DOCK2: variants seen among roughly 807,000 people sequenced by gnomAD.
The protein encoded by DOCK2 is dedicator of cytokinesis 2, also known as dedicator of cytokinesis protein 2.
A neutral mutation model predicts 248.9 loss-of-function variants in DOCK2; 87 were observed. The ratio of observed to expected loss-of-function variants is 0.35; its 90% confidence interval spans 0.29 to 0.42. The LOEUF is 0.42. Ranked by LOEUF, DOCK2 falls within the 10% of genes least tolerant of loss-of-function variation. The probability of loss-of-function intolerance (pLI) is 1.00; values close to 1 mark genes in which losing one functional copy is unlikely to be tolerated. For missense variants in DOCK2, 1,747 were observed against 2,300.2 expected (o/e 0.76, Z 4.92); for synonymous variants, 805 against 821.6 (o/e 0.98, Z 0.35).
intron 27 of DOCK2, chr5:169,841,490 A>T: frequency 2.0e-6 from 2 of 978,708 alleles, no homozygotes; most frequent in Non-Finnish European, 2.4e-6. Flanking sequence ...TCACCAACAT[A>T]AATGAGTATG....
intron 27 of DOCK2, among the ~76,000 whole-genome samples, chr5:169,945,720 C>A (rs1181645359): frequency 6.6e-6 from 1 of 152,182 alleles, no homozygotes; most frequent in Non-Finnish European, 1.5e-5. Flanking sequence ...AAAAATCATT[C>A]TTTCAGCCTG....
chr5:169,750,527 A>T (rs1763842903), intron 23 of DOCK2, among the ~76,000 whole-genome samples: 1 of 151,392 alleles, frequency 6.6e-6, no homozygotes, highest in Non-Finnish European at 1.5e-5. Flanking sequence ...TGCTATGCAA[A>T]TGCAGTGAAC....
chr5:169,886,975 C>T (rs892104998), intron 27 of DOCK2, among the ~76,000 whole-genome samples: 9 of 152,106 alleles, frequency 5.9e-5, no homozygotes, highest in Non-Finnish European at 1.2e-4. Context: ...GAGGCAGGTG[C>T]GATCAGTTCC....
chr5:169,741,795 C>T (rs1278189450), intron 22 of DOCK2, among the ~76,000 whole-genome samples: 8 of 141,344 alleles, frequency 5.7e-5, no homozygotes, highest in East Asian at 2.2e-4. Flanking sequence ...CTCCCAGGAT[C>T]TTTTACTATT....
At chr5:169,801,176 TTTTTTA>T (rs1273799497) in intron 25 of DOCK2, among the ~76,000 whole-genome samples, 53 of 117,138 alleles carry the variant, frequency 4.5e-4, no homozygotes, top group Admixed American at 6.2e-4. Context: ...TTTTTTTTTT[TTTTTTA>T]GTAGACTTGG....
chr5:169,934,545 C>A, intron 27 of DOCK2: 2 of 433,664 alleles, frequency 4.6e-6, no homozygotes, highest in Non-Finnish European at 9.3e-6. Context: ...TAATTGTATG[C>A]GCTACATTCA....
At chr5:169,924,783 A>G (rs146578770) in intron 27 of DOCK2, among the ~76,000 whole-genome samples, 2,333 of 152,190 alleles carry the variant, frequency 0.015, 56 homozygotes, top group African/African-American at 0.053. Context: ...TTTTTCATCA[A>G]TCTGAAGTAT....
intron 2 of DOCK2, among the ~76,000 whole-genome samples, chr5:169,657,770 T>C (rs924661456): frequency 2.6e-5 from 4 of 152,234 alleles, no homozygotes; most frequent in African/African-American, 7.2e-5. Context: ...ATGTTTTCTT[T>C]CCTATTCTTT....
At chr5:169,907,609 A>G (rs1774356024) in intron 27 of DOCK2, among the ~76,000 whole-genome samples, 1 of 152,194 alleles carries the variant, frequency 6.6e-6, no homozygotes, top group Non-Finnish European at 1.5e-5. Flanking sequence ...TATGTTGGAA[A>G]GTTCAATTAC....
intron 26 of DOCK2, among the ~76,000 whole-genome samples, chr5:169,818,937 A>G (rs1644576917): frequency 6.6e-6 from 1 of 152,170 alleles, no homozygotes; most frequent in South Asian, 2.1e-4. Flanking sequence ...ATTCATGCAT[A>G]CTTTATATTT....
chr5:169,869,214 C>T (rs946239082), intron 27 of DOCK2, among the ~76,000 whole-genome samples: 10 of 152,312 alleles, frequency 6.6e-5, no homozygotes, highest in African/African-American at 2.4e-4. Flanking sequence ...CCCCTCCCCA[C>T]CATCTACATT....
rs60140740 is a variant in DOCK2, at chr5:169,800,944, CTTTTTTTTTTTTTT to C, written c.2555-2098_2555-2085del. ...TTTTTCTTTTTTCTTTTCTTTCTTT[CTTTTTTTTTTTTTT>C]TTTTTTTTTTTTTTTGAGATGGAGT... On this transcript the variant is annotated intron_variant, in intron 25 of 51. Coordinates refer to ENST00000520908, the MANE Select transcript of DOCK2 (RefSeq NM_004946.3). Among the ~76,000 whole-genome samples the C allele has an allele frequency of 4.5e-4, 24 of 53,180 alleles. 1 individual carries two copies. Among genetic ancestry groups the C allele is most frequent in the South Asian group, 2.2e-3 (3 of 1,368 alleles). 34.9% of individuals were successfully genotyped at this position (53,180 alleles called of 152,430 possible). A position where few individuals can be genotyped will look rare whatever the true frequency, so the allele number is the denominator to read the frequency against.
rs150316982 is a variant in DOCK2, at chr5:169,977,141, C to T, written c.2800-5927C>T. ...CAATTTGGACACTGTTGTCACTTTT[C>T]CTACCTGCCAGCAACTGTTCCTGAA... On this transcript the variant is annotated intron_variant, in intron 27 of 51. Coordinates refer to ENST00000520908, the MANE Select transcript of DOCK2 (RefSeq NM_004946.3). 5.1e-4 allele frequency among the ~76,000 whole-genome samples: 78 copies of T among 152,332 alleles called. 2 individuals carry two copies. The East Asian group carries it at 0.014, about 28-fold the overall frequency.
intron 25 of DOCK2, among the ~76,000 whole-genome samples, chr5:169,801,281 C>T (rs1343846860): frequency 2.7e-5 from 4 of 149,468 alleles, no homozygotes; most frequent in Admixed American, 6.8e-5. Context: ...AGATTACAGG[C>T]GTAGGCCACC....
At position 169,718,697 on chromosome 5, in the gene DOCK2, A is replaced by T. The variant is rs1412616854; in HGVS notation, c.2173A>T (p.Ser725Cys). The change falls in exon 22 of 52, where the codon AGC becomes TGC. Residue 725 changes from serine (S) to cysteine (C), a missense_variant. By Grantham distance (112) the Ser-to-Cys change is moderately radical. Around this residue, in one of 4 missense-constraint regions of DOCK2, gnomAD observed 858 missense variants for 1,183.5 expected, o/e 0.72. Transcript: ENST00000520908. ...TVLKTYLDTS[S>C]RGEQCEPILR... ...GCTGAAGACTTACTTGGATACCTCC[A>T]GCAGAGGGGAGCAATGTGAGCCAAT... The T allele has an allele frequency of 6.2e-7, 1 of 1,613,868 alleles. No individual in the cohort carries two copies. Among genetic ancestry groups the T allele is most frequent in the Non-Finnish European group, 8.5e-7 (1 of 1,179,890 alleles).
chr5:169,753,468 T>C (rs1764021696), intron 23 of DOCK2, among the ~76,000 whole-genome samples: 1 of 150,554 alleles, frequency 6.6e-6, no homozygotes, highest in Non-Finnish European at 1.5e-5. Context: ...AGATAAAGAC[T>C]ATATGCAAAG....
At chr5:170,073,732 T>C (rs529558190) in intron 46 of DOCK2, among the ~76,000 whole-genome samples, 3 of 152,314 alleles carry the variant, frequency 2.0e-5, no homozygotes, top group Non-Finnish European at 2.9e-5. Flanking sequence ...ATTTTCTGTT[T>C]GTTAACTTTT....
chr5:169,930,441 TG>T (rs1775696473), intron 27 of DOCK2, among the ~76,000 whole-genome samples: 1 of 152,230 alleles, frequency 6.6e-6, no homozygotes, highest in Admixed American at 6.5e-5. Context: ...TCCTCTGGGA[TG>T]ACATTTCTTG....
intron 22 of DOCK2, among the ~76,000 whole-genome samples, chr5:169,741,950 C>T (rs1047504308): frequency 4.0e-5 from 6 of 151,884 alleles, no homozygotes; most frequent in African/African-American, 1.2e-4. Context: ...GCTGAGACTA[C>T]AGGCGCCCAC....
Sources: gnomAD v4.1 joint callset for allele counts (sites outside exome capture counted in the v4.1 genomes callset) on GRCh38, gnomAD v4.1.1 for gene constraint, gnomAD v4.1.1 regional missense constraint, MANE v1.5 for transcripts, NCBI Gene and HGNC (gene_info 2026-07-23, HGNC 2026-07-21) for gene names.